Variants in CNTLN observed in about 807,000 individuals in gnomAD.
The protein encoded by CNTLN is centlein.
CNTLN carries 212 observed loss-of-function variants against 180.0 expected under a neutral mutation model. That is an observed-to-expected ratio of 1.18 (90% CI 1.05 to 1.32). The LOEUF is 1.32. CNTLN is among the 40% of genes most tolerant of loss of function. The probability of loss-of-function intolerance (pLI) is 0.00; values close to 1 mark genes in which losing one functional copy is unlikely to be tolerated. For missense variants in CNTLN, 2,095 were observed against 1,610.9 expected (o/e 1.30, Z -5.14); for synonymous variants, 722 against 563.1 (o/e 1.28, Z -3.99).
chr9:17,386,358 G>C (rs765791886), intron 13 of CNTLN, among the ~76,000 whole-genome samples: 78 of 151,978 alleles, frequency 5.1e-4, no homozygotes, highest in Non-Finnish European at 1.1e-3. Context: ...TCCTGAGAAA[G>C]AATATAAATT....
At chr9:17,135,479 G>A (rs1360985688) in intron 1 of CNTLN, 54 bp downstream of exon 1, 3 of 1,531,994 alleles carry the variant, frequency 2.0e-6, no homozygotes, top group South Asian at 1.3e-5. Context: ...GCCGGGACCC[G>A]TGGGGAGGCG....
chr9:17,372,745 C>T (rs1016971900), intron 13 of CNTLN, among the ~76,000 whole-genome samples: 2 of 152,220 alleles, frequency 1.3e-5, no homozygotes, highest in South Asian at 4.2e-4. Context: ...TACTAGCAAG[C>T]TGAATTCAAC....
chr9:17,505,507 A>C (rs545021829), downstream of CNTLN, among the ~76,000 whole-genome samples: 1 of 152,328 alleles, frequency 6.6e-6, no homozygotes, highest in South Asian at 2.1e-4. Flanking sequence ...AAAATGTGGA[A>C]AATGAAATTA....
chr9:17,450,670 C>G (rs777329580), intron 18 of CNTLN, among the ~76,000 whole-genome samples: 32 of 152,256 alleles, frequency 2.1e-4, no homozygotes, highest in Middle Eastern at 6.8e-3. Flanking sequence ...GAAAAGTCCT[C>G]TATATTACCT....
intron 13 of CNTLN, among the ~76,000 whole-genome samples, chr9:17,372,737 C>G (rs1473449184): frequency 6.6e-6 from 1 of 152,132 alleles, no homozygotes; most frequent in African/African-American, 2.4e-5. Flanking sequence ...CTGCAAGATA[C>G]TAGCAAGCTG....
intron 23 of CNTLN, among the ~76,000 whole-genome samples, chr9:17,470,169 T>TCCC (rs1296038023): frequency 1.3e-5 from 2 of 151,964 alleles, no homozygotes. Flanking sequence ...CTTCAGGGTA[T>TCCC]TGTTACATAA....
intron 2 of CNTLN, among the ~76,000 whole-genome samples, chr9:17,165,002 AT>A (rs893015969): frequency 2.0e-5 from 3 of 148,476 alleles, no homozygotes; most frequent in Non-Finnish European, 3.0e-5. Context: ...TGCCCGGCTA[AT>A]TTTTTTTTGT....
At chr9:17,518,277 G>T in the CNTLN span, among the ~76,000 whole-genome samples, 2 of 151,788 alleles carry the variant, frequency 1.3e-5, no homozygotes, top group African/African-American at 4.8e-5. Context: ...TTGAACTCCT[G>T]ACCTCGTGAT....
chr9:17,249,247 A>G (rs1392060009), intron 5 of CNTLN, among the ~76,000 whole-genome samples: 1 of 151,884 alleles, frequency 6.6e-6, no homozygotes, highest in African/African-American at 2.4e-5. Flanking sequence ...CATTTGCTAC[A>G]TGGTATAGTT....
chr9:17,441,404 A>G (rs1265397702), intron 18 of CNTLN, among the ~76,000 whole-genome samples: 1 of 152,164 alleles, frequency 6.6e-6, no homozygotes, highest in Non-Finnish European at 1.5e-5. Context: ...AAAAGATGTA[A>G]TTTGTTTCAC....
At chr9:17,316,801 C>T (rs1819567568) in intron 8 of CNTLN, among the ~76,000 whole-genome samples, 1 of 151,484 alleles carries the variant, frequency 6.6e-6, no homozygotes, top group African/African-American at 2.4e-5. Context: ...ATATATTTTT[C>T]AGTTATTTCC....
intron 2 of CNTLN, among the ~76,000 whole-genome samples, chr9:17,191,564 G>A (rs1034337410): frequency 1.3e-5 from 2 of 152,130 alleles, no homozygotes; most frequent in Admixed American, 1.3e-4. Context: ...ACTAATTTCT[G>A]TATTTTGGAA....
chr9:17,157,544 G>A (rs189624293), intron 2 of CNTLN, among the ~76,000 whole-genome samples: 151 of 152,236 alleles, frequency 9.9e-4, no homozygotes, highest in Non-Finnish European at 1.3e-3. Context: ...TTGGATTAAC[G>A]TTAGTTTTGG....
intron 7 of CNTLN, among the ~76,000 whole-genome samples, chr9:17,307,414 G>T (rs988434153): frequency 6.6e-6 from 1 of 151,960 alleles, no homozygotes; most frequent in African/African-American, 2.4e-5. Context: ...GACTACAGGT[G>T]CATGCTACCA....
Position 17,342,420 on chromosome 9 carries a change from A to G in CNTLN, c.1862A>G (p.Glu621Gly). ...VWNELAYFKR[E>G]NQELMIQKMN... ...AATGAACTGGCATATTTCAAAAGGG[A>G]AAACCAGGAGCTAATGATTCAAAAG... is the stretch of plus-strand genomic sequence containing the variant. The change falls in exon 12 of 26, where the codon GAA becomes GGA. Residue 621 changes from glutamate (E) to glycine (G), a missense_variant. Physicochemically the swap from Glu to Gly is moderately conservative, Grantham distance 98 (BLOSUM62 -2). Coordinates refer to ENST00000380647, the MANE Select transcript of CNTLN (RefSeq NM_017738.4). 1.9e-6 allele frequency: 3 copies of G among 1,607,680 alleles called. No individual in the cohort carries two copies. The highest frequency in any genetic ancestry group is 2.5e-6 in the Non-Finnish European group (3 of 1,178,130).
At chr9:17,506,064 T>C (rs1355816352), downstream of CNTLN, among the ~76,000 whole-genome samples, 1 of 101,432 alleles carries the variant, frequency 9.9e-6, no homozygotes, top group South Asian at 4.5e-4. Flanking sequence ...CCTGAAGCAG[T>C]TGGGCATCTT....
rs1451304697 is a variant in CNTLN at position 17,395,033 on chromosome 9, T to G, written c.2579T>G (p.Leu860Arg). The change falls in exon 15 of 26, where the codon CTC (leucine) becomes CGC (arginine). Residue 860 changes from leucine (L) to arginine (R), a missense_variant. By Grantham distance (102) the Leu-to-Arg change is moderately radical. Transcript: ENST00000380647. Reference sequence around the variant, plus strand: ...GTTATGAGCAATGTGTTTGAGAACCTCAGCAAGGACGGCTGGGAGGATGTG... The same window carrying G: ...GTTATGAGCAATGTGTTTGAGAACCGCAGCAAGGACGGCTGGGAGGATGTG... Reference protein sequence around the residue: ...IKVMSNVFENLSKDGWEDVSE... With the variant: ...IKVMSNVFENRSKDGWEDVSE... 6.2e-7 allele frequency: 1 copy of G among 1,611,872 alleles called. No homozygotes were observed. The highest frequency in any genetic ancestry group is 2.2e-5 in the East Asian group (1 of 44,842).
intron 2 of CNTLN, among the ~76,000 whole-genome samples, chr9:17,190,449 A>AT (rs1216394573): frequency 6.6e-6 from 1 of 151,922 alleles, no homozygotes; most frequent in Non-Finnish European, 1.5e-5. Flanking sequence ...CCATGAAAGG[A>AT]TTTTTTTATC....
chr9:17,356,481 G>A (rs1564024233), intron 12 of CNTLN, among the ~76,000 whole-genome samples: 1 of 152,138 alleles, frequency 6.6e-6, no homozygotes, highest in Non-Finnish European at 1.5e-5. Flanking sequence ...GATGCAACAT[G>A]ACTTATAGAT....
Sources: gnomAD v4.1 joint callset for allele counts (sites outside exome capture counted in the v4.1 genomes callset) on GRCh38, gnomAD v4.1.1 for gene constraint, MANE v1.5 for transcripts, NCBI Gene and HGNC (gene_info 2026-07-23, HGNC 2026-07-21) for gene names.